The following SNX8 variants were observed in gnomAD, a reference collection of about 807,000 sequenced individuals.
The protein encoded by SNX8 is sorting nexin-8.
SNX8 carries 25 observed loss-of-function variants against 51.6 expected under a neutral mutation model. The ratio of observed to expected loss-of-function variants is 0.48; its 90% CI spans 0.35 to 0.68. The LOEUF (loss-of-function observed/expected upper bound fraction) is 0.68, where lower values mean the gene tolerates loss of function less well. Ranked by LOEUF, SNX8 falls within the 30% of genes least tolerant of loss-of-function variation. The pLI, the probability that SNX8 is intolerant of heterozygous loss-of-function variation, is 0.00. For synonymous variants in SNX8, 324 were observed against 277.0 expected (o/e 1.17, Z -1.68); for missense variants, 695 against 624.0 (o/e 1.11, Z -1.21).
At chr7:2,278,373 G>A in intron 1 of SNX8, 68 bp from the exon 2 acceptor site, 1 of 1,006,306 alleles carries the variant, frequency 9.9e-7, no homozygotes, top group Non-Finnish European at 1.5e-6. Context: ...GCTGGGCACA[G>A]TGGCGCAGCC....
rs190774072 is a variant in SNX8, at chr7:2,342,188, T to A, written c.-66+12034A>T. Among the ~76,000 whole-genome samples the A allele has an allele frequency of 4.9e-3, 738 of 150,038 alleles. 4 individuals carry two copies. The highest frequency in any genetic ancestry group is 0.017 in the African/African-American group (680 of 41,008). ...GAGGGAAACGCTGTCTCAAAAAAAA[T>A]AATAATAAATAATAAATAAATAAAT... On this transcript the variant is annotated intron_variant, in intron 1 of 5. Transcript: ENST00000435336.
At chr7:2,273,773 G>C (rs1485362279) in intron 3 of SNX8, among the ~76,000 whole-genome samples, 46 of 150,912 alleles carry the variant, frequency 3.0e-4, no homozygotes, top group Admixed American at 3.0e-3. Context: ...GCGTGGTGGC[G>C]GGCGCCTGTA....
At chr7:2,285,022 C>T (rs978260003) in intron 1 of SNX8, among the ~76,000 whole-genome samples, 2 of 151,900 alleles carry the variant, frequency 1.3e-5, no homozygotes, top group African/African-American at 4.8e-5. Context: ...ACCATCCTGG[C>T]TAACACGATG....
At position 2,257,470 on chromosome 7, in the gene SNX8, C is replaced by G. The variant is rs749083437; in HGVS notation, c.1029G>C (p.Gln343His). The change falls in exon 9 of 11, where the codon CAG (glutamine) becomes CAC (histidine). Residue 343 changes from glutamine (Q) to histidine (H), a missense_variant. Transcript: ENST00000222990. The stretch of plus-strand genomic sequence containing the variant: ...TCAGGCTGTACTTGTGCAGGGCCCG[C>G]TGGTGCTTGTGCAACACGCCCTTCT... ...RHEKGVLHKH[Q>H]RALHKYSLMK... 1.1e-5 allele frequency: 18 copies of G among 1,607,722 alleles called. No individual in the cohort carries two copies. The highest frequency in any genetic ancestry group is 1.5e-5 in the Non-Finnish European group (18 of 1,178,470).
At chr7:2,287,453 CCT>C (rs911442983) in intron 1 of SNX8, among the ~76,000 whole-genome samples, 30 of 151,948 alleles carry the variant, frequency 2.0e-4, no homozygotes, top group African/African-American at 6.0e-4. Flanking sequence ...GTGGCGCATG[CCT>C]GTAATCCCAG....
chr7:2,277,300 G>A (rs1363869547), intron 2 of SNX8, among the ~76,000 whole-genome samples: 4 of 152,178 alleles, frequency 2.6e-5, no homozygotes, highest in African/African-American at 4.8e-5. Context: ...GCCCAATATC[G>A]GGATGCCCAG....
chr7:2,319,567 G>A (rs943859963), intron 1 of SNX8, among the ~76,000 whole-genome samples: 5 of 152,194 alleles, frequency 3.3e-5, no homozygotes, highest in African/African-American at 9.6e-5. Flanking sequence ...TGTAATCCCA[G>A]CACCTTGGGA....
chr7:2,272,276 C>T (rs1795666941), intron 3 of SNX8, among the ~76,000 whole-genome samples: 1 of 152,220 alleles, frequency 6.6e-6, no homozygotes, highest in Non-Finnish European at 1.5e-5. Context: ...CTTTAATCAC[C>T]TCCGTTAAAG....
intron 1 of SNX8, among the ~76,000 whole-genome samples, chr7:2,299,162 G>C (rs1796337772): frequency 6.6e-6 from 1 of 151,898 alleles, no homozygotes; most frequent in South Asian, 2.1e-4. Flanking sequence ...GAGGTTCCGT[G>C]GATGATTACA....
At chr7:2,350,572 C>T (rs1033316571) in intron 1 of SNX8, among the ~76,000 whole-genome samples, 7 of 152,114 alleles carry the variant, frequency 4.6e-5, no homozygotes, top group Admixed American at 1.3e-4. Context: ...GGGAGGCCAA[C>T]GCAGAAGGTT....
rs756364188 is a variant in SNX8, at chr7:2,308,665, CAA to C, written c.94+5661_94+5662del. On this transcript the variant is annotated intron_variant, in intron 1 of 10. Transcript: ENST00000222990. ...TGGGCAACAGAGTGAGACTCTGTCT[CAA>C]AAAAAAAAAAAAAAAAAAAAGGGTC... is the stretch of plus-strand genomic sequence containing the variant. Among the ~76,000 whole-genome samples, 465 of 63,026 alleles carry C rather than the reference CAA, an allele frequency of 7.4e-3. 1 individual carries two copies. Among genetic ancestry groups the C allele is most frequent in the African/African-American group, 0.024 (359 of 15,178 alleles). The allele number at this position is 63,026 out of a possible 152,430, so 41.3% of individuals were successfully genotyped here.
intron 1 of SNX8, chr7:2,309,994 C>G: frequency 2.5e-6 from 1 of 405,226 alleles, no homozygotes. Context: ...ACGGAGCTTC[C>G]GAACCGAATG....
In SNX8 at chr7:2,295,378, G is replaced by A. The variant is rs149132218; in HGVS notation, c.95-17073C>T. ...GAGTTCGTGCCATTGCACCCAGCCC[G>A]GGTAACAGAGGGATACTCCATCTCA... On this transcript the variant is annotated intron_variant, in intron 1 of 10. Transcript: ENST00000222990. Among the ~76,000 whole-genome samples, 467 of 148,352 alleles carry A rather than the reference G, an allele frequency of 3.1e-3. 6 individuals are homozygous for A. The highest frequency in any genetic ancestry group is 0.011 in the African/African-American group (440 of 40,326).
At chr7:2,263,777 G>C (rs1012933518) in intron 6 of SNX8, among the ~76,000 whole-genome samples, 2 of 152,002 alleles carry the variant, frequency 1.3e-5, no homozygotes, top group East Asian at 1.9e-4. Flanking sequence ...GCAGTGGCGC[G>C]ATCTCGGCTC....
At chr7:2,318,902 G>A (rs1442543465), upstream of SNX8, among the ~76,000 whole-genome samples, 1 of 151,704 alleles carries the variant, frequency 6.6e-6, no homozygotes, top group Admixed American at 6.6e-5. Context: ...CAGCTACCCT[G>A]AAGGCCAAGG....
chr7:2,319,742 G>C (rs914527621), intron 1 of SNX8, among the ~76,000 whole-genome samples: 2 of 150,320 alleles, frequency 1.3e-5, no homozygotes, highest in African/African-American at 4.9e-5. Context: ...GCGAACCTGG[G>C]AGCCGGAGCT....
intron 1 of SNX8, among the ~76,000 whole-genome samples, chr7:2,353,315 G>A (rs868080597): frequency 7.9e-5 from 12 of 152,082 alleles, no homozygotes; most frequent in Non-Finnish European, 1.3e-4. Context: ...AGGCTGGAAG[G>A]TCCCGATTGC....
At chr7:2,316,354 C>A (rs1328304000), upstream of SNX8, among the ~76,000 whole-genome samples, 4 of 151,544 alleles carry the variant, frequency 2.6e-5, no homozygotes, top group African/African-American at 9.7e-5. Context: ...TGCATTCATT[C>A]ATTCACTCAC....
rs981772702 is a variant in SNX8 at position 2,322,829 on chromosome 7, C to G, written c.-66+31393G>C. ...GCCAGGAGTTCAAGACCAGCCTGGG[C>G]AACATGGTGAAACCCTGTCTCTACT... is the stretch of plus-strand genomic sequence containing the variant. On this transcript the variant is annotated intron_variant, in intron 1 of 5. Transcript: ENST00000435336. Among the ~76,000 whole-genome samples, 4 of 150,902 alleles carry G rather than the reference C, an allele frequency of 2.7e-5. No homozygotes were observed. In the Admixed American group the frequency reaches 2.7e-4, roughly 10 times the overall value.
Sources: gnomAD v4.1 joint callset for allele counts (sites outside exome capture counted in the v4.1 genomes callset) on GRCh38, gnomAD v4.1.1 for gene constraint, MANE v1.5 for transcripts, NCBI Gene and HGNC (gene_info 2026-07-23, HGNC 2026-07-21) for gene names.